ANKFN1: variants seen among roughly 807,000 people sequenced by gnomAD.
ANKFN1 encodes the protein ankyrin repeat and fibronectin type-III domain-containing protein 1.
Under a neutral mutation model 108.7 loss-of-function variants are expected in ANKFN1, and 74 were observed. That is an observed-to-expected ratio of 0.68 (90% CI 0.56 to 0.83). ANKFN1 has a LOEUF of 0.83. Among genes scored for constraint, ANKFN1 ranks in the 40% least tolerant of loss-of-function variants. The pLI, the probability that ANKFN1 is intolerant of heterozygous loss-of-function variation, is 0.00. For synonymous variants in ANKFN1, 547 were observed against 516.2 expected (o/e 1.06, Z -0.81); for missense variants, 1,505 against 1,382.3 (o/e 1.09, Z -1.41).
intron 18 of ANKFN1, among the ~76,000 whole-genome samples, chr17:56,483,511 G>A (rs1215080469): frequency 6.6e-6 from 1 of 152,178 alleles, no homozygotes; most frequent in Non-Finnish European, 1.5e-5. Flanking sequence ...GTTTTCCTTG[G>A]TCCAAGCACT....
At chr17:56,271,795 G>A (rs2043801755) in intron 3 of ANKFN1, among the ~76,000 whole-genome samples, 1 of 152,192 alleles carries the variant, frequency 6.6e-6, no homozygotes. Context: ...CCGGGGCTGG[G>A]TAAGCCAAGG....
intron 4 of ANKFN1, among the ~76,000 whole-genome samples, chr17:56,057,825 G>A (rs968529724): frequency 6.6e-6 from 1 of 152,040 alleles, no homozygotes; most frequent in South Asian, 2.1e-4. Flanking sequence ...TGATCCATGG[G>A]CTGCAGAATG....
intron 4 of ANKFN1, among the ~76,000 whole-genome samples, chr17:56,105,307 G>A (rs115340791): frequency 0.017 from 2,656 of 152,220 alleles, 70 homozygotes; most frequent in African/African-American, 0.06. Flanking sequence ...GACAGGCAGA[G>A]GACGAGGTGG....
intron 4 of ANKFN1, among the ~76,000 whole-genome samples, chr17:56,333,923 T>C (rs1349951829): frequency 3.3e-5 from 5 of 152,124 alleles, no homozygotes; most frequent in Non-Finnish European, 7.4e-5. Flanking sequence ...CCAGCCCACC[T>C]TTGACCAACC....
At chr17:56,482,253 A>AAGTTGTG in intron 17 of ANKFN1, 103 bp from the exon 18 acceptor site, 1 of 1,050,814 alleles carries the variant, frequency 9.5e-7, no homozygotes, top group Non-Finnish European at 1.3e-6. Context: ...TCCAAGCTTG[A>AAGTTGTG]AGTTGTGTAA....
intron 8 of ANKFN1, among the ~76,000 whole-genome samples, chr17:56,383,191 A>G: frequency 6.6e-6 from 1 of 152,190 alleles, no homozygotes; most frequent in South Asian, 2.1e-4. Flanking sequence ...AAAACCAGAC[A>G]ACTACATGGA....
At chr17:56,055,589 G>GTGTATATATA (rs1904861145) in intron 4 of ANKFN1, among the ~76,000 whole-genome samples, 3 of 88,272 alleles carry the variant, frequency 3.4e-5, no homozygotes, top group African/African-American at 1.9e-4. Flanking sequence ...ATATATATAT[G>GTGTATATATA]TATATATACA....
At chr17:56,305,440 A>T (rs972834885) in intron 3 of ANKFN1, among the ~76,000 whole-genome samples, 1 of 152,222 alleles carries the variant, frequency 6.6e-6, no homozygotes, top group Non-Finnish European at 1.5e-5. Context: ...CCATCTATGT[A>T]TCCTCTTCAG....
chr17:56,376,944 G>T (rs2046963289), intron 8 of ANKFN1, among the ~76,000 whole-genome samples: 4 of 152,114 alleles, frequency 2.6e-5, no homozygotes. Context: ...TTTTAATTCA[G>T]GGGTTGAAGT....
intron 1 of ANKFN1, among the ~76,000 whole-genome samples, chr17:56,189,170 C>CATTTTTTTTTTTTTTTTT (rs1555607722): frequency 5.9e-5 from 5 of 85,258 alleles, no homozygotes; most frequent in Middle Eastern, 6.6e-3. Context: ...GTTGCCCTGA[C>CATTTTTTTTTTTTTTTTT]TTTTTTTTTT....
intron 4 of ANKFN1, among the ~76,000 whole-genome samples, chr17:56,334,950 C>T (rs1598421142): frequency 1.3e-5 from 2 of 152,118 alleles, no homozygotes; most frequent in South Asian, 4.1e-4. Flanking sequence ...ATATGGCTAG[C>T]CAGTTTTTCC....
At chr17:56,141,600 A>T (rs905564097) in intron 4 of ANKFN1, among the ~76,000 whole-genome samples, 2 of 152,092 alleles carry the variant, frequency 1.3e-5, no homozygotes, top group Admixed American at 1.3e-4. Flanking sequence ...CTTCTGAATC[A>T]CCCATATAGT....
intron 8 of ANKFN1, among the ~76,000 whole-genome samples, chr17:56,379,225 C>T (rs906922018): frequency 7.2e-5 from 11 of 151,988 alleles, no homozygotes; most frequent in African/African-American, 1.9e-4. Flanking sequence ...AGTGAAACCC[C>T]GTCTCTACTA....
At chr17:56,270,816 C>A (rs929768471) in intron 3 of ANKFN1, among the ~76,000 whole-genome samples, 1 of 152,086 alleles carries the variant, frequency 6.6e-6, no homozygotes, top group Admixed American at 6.6e-5. Flanking sequence ...CTGTAATGTT[C>A]TTTTTCCTGC....
At chr17:56,509,889 T>C (rs1178263197) in intron 20 of ANKFN1, among the ~76,000 whole-genome samples, 1 of 152,244 alleles carries the variant, frequency 6.6e-6, no homozygotes, top group Non-Finnish European at 1.5e-5. Flanking sequence ...AGACTAACTG[T>C]AACCTGGTTA....
At chr17:56,069,259 T>A (rs1195795688) in intron 4 of ANKFN1, among the ~76,000 whole-genome samples, 1 of 152,226 alleles carries the variant, frequency 6.6e-6, no homozygotes, top group African/African-American at 2.4e-5. Context: ...TATAAACCTA[T>A]GTGGCAAGAA....
At chr17:56,422,495 A>G (rs2048441763) in intron 8 of ANKFN1, among the ~76,000 whole-genome samples, 1 of 124,722 alleles carries the variant, frequency 8.0e-6, no homozygotes. Context: ...ACGCACATAC[A>G]CACACACACG....
chr17:56,171,213 A>G (rs1158791384), intron 1 of ANKFN1, among the ~76,000 whole-genome samples: 1 of 151,984 alleles, frequency 6.6e-6, no homozygotes, highest in Non-Finnish European at 1.5e-5. Context: ...TCTTATTTCC[A>G]TCTCCCCTGG....
At chr17:56,086,330 A>G (rs1047058474) in intron 4 of ANKFN1, among the ~76,000 whole-genome samples, 9 of 151,230 alleles carry the variant, frequency 6.0e-5, no homozygotes. Context: ...GCTTAAACCC[A>G]GGAGGCAGAG....
Sources: allele counts gnomAD v4.1 joint callset (sites outside exome capture counted in the v4.1 genomes callset), GRCh38; gene constraint gnomAD v4.1.1; transcripts MANE v1.5; gene names NCBI Gene and HGNC (gene_info 2026-07-23, HGNC 2026-07-21).